The following INSL6 variants were observed in gnomAD, a reference collection of about 807,000 sequenced individuals.
INSL6 encodes insulin like 6, also known as insulin-like peptide INSL6.
INSL6 carries 16 observed loss-of-function variants against 9.4 expected under a neutral mutation model. That is an observed-to-expected ratio of 1.70 (90% CI 1.15 to 2.59). The LOEUF is 2.59. INSL6 is among the 30% of genes most tolerant of loss of function. INSL6 has a pLI of 0.00. For missense variants in INSL6, 391 were observed against 257.3 expected, an observed-to-expected ratio of 1.52 and a Z score of -3.56; for synonymous variants, 154 against 96.9, an observed-to-expected ratio of 1.59 and a Z score of -3.46.
chr9:5,006,604 GA>G, the INSL6 span, among the ~76,000 whole-genome samples: 1 of 152,070 alleles, frequency 6.6e-6, no homozygotes, highest in Non-Finnish European at 1.5e-5. Context: ...AGGTGAAGGG[GA>G]AAAAAGTACA....
the INSL6 span, among the ~76,000 whole-genome samples, chr9:5,020,155 G>C: frequency 6.6e-6 from 1 of 152,168 alleles, no homozygotes; most frequent in South Asian, 2.1e-4. Context: ...CCAGTTGTCT[G>C]TGCTTATGTC....
chr9:5,056,632 T>C, the INSL6 span, among the ~76,000 whole-genome samples: 2 of 152,122 alleles, frequency 1.3e-5, no homozygotes, highest in Non-Finnish European at 2.9e-5. Flanking sequence ...TTATGTGTGT[T>C]TGTACCCCCT....
intron 1 of INSL6, among the ~76,000 whole-genome samples, chr9:5,183,875 T>C (rs1175670959): frequency 6.6e-6 from 1 of 152,010 alleles, no homozygotes; most frequent in East Asian, 1.9e-4. Flanking sequence ...ACGAAAAATA[T>C]CAGGCCCCAC....
At chr9:5,012,315 C>T in the INSL6 span, among the ~76,000 whole-genome samples, 5 of 152,110 alleles carry the variant, frequency 3.3e-5, no homozygotes, top group East Asian at 1.9e-4. Context: ...CATATCCCCC[C>T]GATTTGTATC....
At chr9:5,041,084 A>G in the INSL6 span, 8 of 705,396 alleles carry the variant, frequency 1.1e-5, no homozygotes, top group Admixed American at 1.1e-4. Context: ...ACTACCTACT[A>G]CAGCCTGGAG....
intron 2 of INSL6, among the ~76,000 whole-genome samples, chr9:5,156,498 T>C (rs994050388): frequency 6.6e-6 from 1 of 152,134 alleles, no homozygotes; most frequent in Non-Finnish European, 1.5e-5. Context: ...GATTTCCATA[T>C]ATGCAGAAAA....
At chr9:5,114,588 T>C in the INSL6 span, 2 of 491,712 alleles carry the variant, frequency 4.1e-6, no homozygotes, top group South Asian at 1.6e-5. Flanking sequence ...CAAGGACATC[T>C]TGGTGCAGTG....
chr9:5,070,725 A>G, the INSL6 span, among the ~76,000 whole-genome samples: 1 of 152,102 alleles, frequency 6.6e-6, no homozygotes, highest in South Asian at 2.1e-4. Context: ...ATTGAAAAAA[A>G]CCCACATATA....
chr9:5,126,070 A>C, intron 3 of INSL6: 1 of 282,364 alleles, frequency 3.5e-6, no homozygotes, highest in Non-Finnish European at 6.5e-6. Flanking sequence ...AACTCAAAGG[A>C]AATATGTTTT....
chr9:5,010,611 C>T, the INSL6 span, among the ~76,000 whole-genome samples: 12 of 152,160 alleles, frequency 7.9e-5, no homozygotes, highest in African/African-American at 1.9e-4. Flanking sequence ...TGGGCCACCA[C>T]GCCTGGCTGT....
At chr9:5,040,074 G>A in the INSL6 span, among the ~76,000 whole-genome samples, 2 of 152,312 alleles carry the variant, frequency 1.3e-5, 1 homozygote, top group South Asian at 4.1e-4. Flanking sequence ...CAAAAGGACT[G>A]TAATCAAGAC....
At chr9:5,061,003 G>C in the INSL6 span, among the ~76,000 whole-genome samples, 1 of 152,192 alleles carries the variant, frequency 6.6e-6, no homozygotes, top group African/African-American at 2.4e-5. Flanking sequence ...GGGTGACCAG[G>C]TGCGTTGTCA....
At chr9:5,168,927 ATT>A (rs34418346) in intron 1 of INSL6, among the ~76,000 whole-genome samples, 4,060 of 143,550 alleles carry the variant, frequency 0.028, 166 homozygotes, top group African/African-American at 0.096. Context: ...TATTTATTTG[ATT>A]TTTTTTTTTT....
At chr9:5,069,864 T>G in the INSL6 span, 1 of 1,149,080 alleles carries the variant, frequency 8.7e-7, no homozygotes, top group South Asian at 1.7e-5. Context: ...TTACTCCTCT[T>G]TGGAGCAATT....
the INSL6 span, among the ~76,000 whole-genome samples, chr9:5,015,226 A>G: frequency 1.3e-5 from 2 of 152,202 alleles, no homozygotes; most frequent in Non-Finnish European, 2.9e-5. Context: ...GCTGAGGCGC[A>G]ATGAATATTC....
At position 5,163,981 on chromosome 9, in the gene INSL6, A is replaced by T; in HGVS notation, c.574T>A (p.Cys192Ser). 1 of 1,612,396 alleles carries T rather than the reference A, an allele frequency of 6.2e-7. No homozygotes were observed. Among genetic ancestry groups the T allele is most frequent in the Non-Finnish European group, 8.5e-7 (1 of 1,179,664 alleles). The change falls in exon 2 of 2, where the codon TGT becomes AGT. Residue 192 changes from cysteine (C) to serine (S), a missense_variant. By Grantham distance (112) the Cys-to-Ser change is moderately radical (BLOSUM62 -1). Transcript: ENST00000381641. ...CTTTTAAAATCAATATATGGAAGAC[A>T]TGCAATGCTAAGTTCTTCTTTTGTA... ...GCTKEELSIA[C>S]LPYIDFKRLK... is the part of the protein sequence containing the mutation.
chr9:5,086,910 G>T, the INSL6 span, among the ~76,000 whole-genome samples: 1 of 151,992 alleles, frequency 6.6e-6, no homozygotes, highest in Admixed American at 6.5e-5. Flanking sequence ...ACTTTCGCTG[G>T]TATCCACAAT....
intron 3 of INSL6, among the ~76,000 whole-genome samples, chr9:5,130,873 C>T (rs1226597527): frequency 3.3e-5 from 5 of 150,150 alleles, no homozygotes; most frequent in African/African-American, 9.8e-5. Context: ...GGACTACAGG[C>T]GCCTGCCACT....
chr9:5,036,589 C>G, the INSL6 span, among the ~76,000 whole-genome samples: 6 of 152,024 alleles, frequency 3.9e-5, no homozygotes, highest in African/African-American at 9.7e-5. Flanking sequence ...TTTGACAAAC[C>G]TGACAAAAAC....
Sources: allele counts gnomAD v4.1 joint callset (sites outside exome capture counted in the v4.1 genomes callset), GRCh38; gene constraint gnomAD v4.1.1; transcripts MANE v1.5; gene names NCBI Gene and HGNC (gene_info 2026-07-23, HGNC 2026-07-21).